The following ZNRF1 variants were observed in gnomAD, a reference collection of about 807,000 sequenced individuals.
The protein encoded by ZNRF1 is E3 ubiquitin-protein ligase ZNRF1.
Under a neutral mutation model 18.4 loss-of-function variants are expected in ZNRF1, and 3 were observed. The ratio of observed to expected loss-of-function variants is 0.16; its 90% CI spans 0.07 to 0.42. The LOEUF (loss-of-function observed/expected upper bound fraction) is 0.42, where lower values mean the gene tolerates loss of function less well. ZNRF1 is among the 10% of genes least tolerant of loss of function. The pLI is 0.99. For missense variants in ZNRF1, 310 were observed against 329.8 expected (o/e 0.94, Z 0.47); for synonymous variants, 157 against 144.2 (o/e 1.09, Z -0.64).
chr16:75,033,166 AT>A (rs1467396744), intron 1 of ZNRF1, among the ~76,000 whole-genome samples: 1 of 148,394 alleles, frequency 6.7e-6, no homozygotes, highest in Non-Finnish European at 1.5e-5. Context: ...AAATATTATT[AT>A]TTGATTTCTT....
At chr16:75,101,894 A>G (rs921240698) in intron 2 of ZNRF1, among the ~76,000 whole-genome samples, 1 of 152,204 alleles carries the variant, frequency 6.6e-6, no homozygotes, top group African/African-American at 2.4e-5. Flanking sequence ...TTCATCCACT[A>G]CTTGCCATGT....
rs1025305550 is a variant in ZNRF1, at chr16:75,103,760, G to A, written c.521-1024G>A. On this transcript the variant is annotated intron_variant, in intron 2 of 4. Coordinates refer to ENST00000335325, the MANE Select transcript of ZNRF1 (RefSeq NM_032268.5). ...CCAGCACTTTGGGAGGCCAAGGTGG[G>A]TGGATCACGAGGTCAGGAGTTCGAG... 3.3e-5 allele frequency among the ~76,000 whole-genome samples: 5 copies of A among 152,208 alleles called. No individual in the cohort carries two copies. In the South Asian group the frequency reaches 1.0e-3, roughly 31 times the overall value.
At chr16:75,011,181 C>G (rs2034995241) in intron 1 of ZNRF1, among the ~76,000 whole-genome samples, 1 of 152,098 alleles carries the variant, frequency 6.6e-6, no homozygotes, top group Non-Finnish European at 1.5e-5. Context: ...TGGAGAGAGC[C>G]ATTAAGATTC....
At position 74,999,508 on chromosome 16, in the gene ZNRF1, C is replaced by A. The variant is rs946175711; in HGVS notation, c.-164C>A. Reference sequence around the variant, plus strand: ...GCCCGCCCGCCTGCCTCTTCCGCCCCGCGGGTTTTTTCCTTTTTTCCTTTT... The same window carrying A: ...GCCCGCCCGCCTGCCTCTTCCGCCCAGCGGGTTTTTTCCTTTTTTCCTTTT... On this transcript the variant is annotated 5_prime_UTR_variant, in exon 1 of 5. Coordinates refer to ENST00000335325, the MANE Select transcript of ZNRF1 (RefSeq NM_032268.5). 2 of 482,546 alleles carry A rather than the reference C, an allele frequency of 4.1e-6. No individual in the cohort carries two copies. Among genetic ancestry groups the A allele is most frequent in the African/African-American group, 4.0e-5 (2 of 49,872 alleles). 29.9% of individuals were successfully genotyped at this position (482,546 alleles called of 1,614,324 possible).
At chr16:75,007,184 A>C (rs550431143) in intron 1 of ZNRF1, among the ~76,000 whole-genome samples, 63 of 151,666 alleles carry the variant, frequency 4.2e-4, no homozygotes, top group African/African-American at 1.5e-3. Context: ...CAGCCTCCTG[A>C]GTAGCTGGGA....
chr16:75,102,416 C>T (rs1461109159), intron 2 of ZNRF1, among the ~76,000 whole-genome samples: 4 of 152,092 alleles, frequency 2.6e-5, no homozygotes, highest in Non-Finnish European at 5.9e-5. Context: ...AAGGAAGACA[C>T]GCACATGTGT....
In ZNRF1 at chr16:75,026,646, A is replaced by T. The variant is rs551024623; in HGVS notation, c.424+26551A>T. Among the ~76,000 whole-genome samples the T allele has an allele frequency of 2.0e-5, 3 of 152,268 alleles. No homozygotes were observed. In the South Asian group the frequency reaches 6.2e-4, roughly 32 times the overall value. On this transcript the variant is annotated intron_variant, in intron 1 of 4. Transcript: ENST00000335325. ...ATCGTAACAGTAGTATGTAATAAGA[A>T]TATTTCTGGCCAGGCGCAGTGGCTC... is the stretch of plus-strand genomic sequence containing the variant.
chr16:75,084,803 A>G (rs2036055149), intron 1 of ZNRF1, among the ~76,000 whole-genome samples: 2 of 152,184 alleles, frequency 1.3e-5, no homozygotes, highest in Non-Finnish European at 2.9e-5. Flanking sequence ...TATCCAAATT[A>G]GCACACCCAC....
intron 1 of ZNRF1, among the ~76,000 whole-genome samples, chr16:75,033,613 T>A (rs1466983584): frequency 6.6e-6 from 1 of 152,090 alleles, no homozygotes; most frequent in East Asian, 1.9e-4. Context: ...ATTTTTGTAT[T>A]TTTGGTAGAA....
chr16:75,102,860 G>A (rs185079577), intron 2 of ZNRF1, among the ~76,000 whole-genome samples: 2 of 152,222 alleles, frequency 1.3e-5, no homozygotes, highest in East Asian at 1.9e-4. Flanking sequence ...TGTGTGTCCC[G>A]CTGCCCTCAT....
At chr16:75,043,407 G>T (rs2145364523) in intron 1 of ZNRF1, among the ~76,000 whole-genome samples, 1 of 152,244 alleles carries the variant, frequency 6.6e-6, no homozygotes, top group Non-Finnish European at 1.5e-5. Context: ...TGTAAAATTT[G>T]GCTGTTCTTC....
chr16:75,098,812 A>C (rs2036226262), intron 2 of ZNRF1, among the ~76,000 whole-genome samples: 1 of 152,224 alleles, frequency 6.6e-6, no homozygotes, highest in African/African-American at 2.4e-5. Context: ...TCGGAGCTGC[A>C]CGGGCTTTCC....
chr16:75,044,829 AG>A (rs2035493913), intron 1 of ZNRF1, among the ~76,000 whole-genome samples: 1 of 152,248 alleles, frequency 6.6e-6, no homozygotes, highest in African/African-American at 2.4e-5. Flanking sequence ...TTAAAAGTGA[AG>A]TAACATAATA....
intron 1 of ZNRF1, among the ~76,000 whole-genome samples, chr16:75,013,471 C>T (rs193271560): frequency 8.5e-5 from 13 of 152,160 alleles, no homozygotes; most frequent in Admixed American, 3.9e-4. Flanking sequence ...CTCAGCCTCC[C>T]GAGTAGCTGG....
intron 1 of ZNRF1, among the ~76,000 whole-genome samples, chr16:75,091,235 T>C (rs2036135228): frequency 6.6e-6 from 1 of 151,876 alleles, no homozygotes; most frequent in South Asian, 2.1e-4. Context: ...GGCGCTCACC[T>C]GTAATCCCAG....
chr16:75,060,133 A>G (rs527288282), intron 1 of ZNRF1, among the ~76,000 whole-genome samples: 1 of 151,918 alleles, frequency 6.6e-6, no homozygotes, highest in East Asian at 1.9e-4. Context: ...GGCTCACTGC[A>G]ACCTCCGCCT....
At chr16:75,079,217 C>T (rs2035980627) in intron 1 of ZNRF1, among the ~76,000 whole-genome samples, 2 of 152,186 alleles carry the variant, frequency 1.3e-5, no homozygotes, top group Non-Finnish European at 1.5e-5. Flanking sequence ...CGCGGTGGCT[C>T]ATGCCTGTAA....
chr16:75,059,436 C>T (rs2035715358), intron 1 of ZNRF1, among the ~76,000 whole-genome samples: 1 of 151,706 alleles, frequency 6.6e-6, no homozygotes, highest in Non-Finnish European at 1.5e-5. Flanking sequence ...TTTGTAGAGA[C>T]AGGGTTTCAC....
intron 1 of ZNRF1, among the ~76,000 whole-genome samples, chr16:75,083,823 G>A (rs553454464): frequency 9.2e-5 from 14 of 152,102 alleles, no homozygotes; most frequent in Non-Finnish European, 1.3e-4. Flanking sequence ...ATAAGGACCT[G>A]GAAGATAGAA....
Sources: allele counts gnomAD v4.1 joint callset (sites outside exome capture counted in the v4.1 genomes callset), GRCh38; gene constraint gnomAD v4.1.1; transcripts MANE v1.5; gene names NCBI Gene and HGNC (gene_info 2026-07-23, HGNC 2026-07-21).